Variants in NFASC observed in about 807,000 individuals in gnomAD.
NFASC encodes the protein neurofascin, also known as neurofascin homolog.
In NFASC, 43 loss-of-function variants were observed where a neutral mutation model predicts 147.5. The observed-to-expected ratio is 0.29, with a 90% confidence interval of 0.23 to 0.38. NFASC has a LOEUF of 0.38. NFASC is among the 10% of genes least tolerant of loss of function. NFASC has a pLI of 1.00. For synonymous variants in NFASC, 622 were observed against 665.5 expected (o/e 0.93, Z 1.01); for missense variants, 1,320 against 1,689.0 (o/e 0.78, Z 3.83).
chr1:204,990,563 C>CAAAAAAAA (rs55745283), intron 23 of NFASC: 1 of 126,710 alleles, frequency 7.9e-6, no homozygotes, highest in East Asian at 2.2e-4. Flanking sequence ...GCTCTCAGTC[C>CAAAAAAAA]AAAAAAAAAA....
At chr1:204,856,649 A>G (rs2076186470) in intron 1 of NFASC, among the ~76,000 whole-genome samples, 1 of 152,110 alleles carries the variant, frequency 6.6e-6, no homozygotes, top group Non-Finnish European at 1.5e-5. Flanking sequence ...AGATCACCCC[A>G]TACCCATTGA....
At chr1:204,859,077 C>T (rs764074840) in intron 1 of NFASC, among the ~76,000 whole-genome samples, 2 of 151,834 alleles carry the variant, frequency 1.3e-5, no homozygotes, top group Non-Finnish European at 2.9e-5. Flanking sequence ...TCCCGGGTGC[C>T]AGCGATTCTC....
At chr1:204,942,298 G>C (rs977124060) in intron 2 of NFASC, among the ~76,000 whole-genome samples, 10 of 152,160 alleles carry the variant, frequency 6.6e-5, no homozygotes, top group Admixed American at 1.3e-4. Flanking sequence ...TTCTAGACCA[G>C]AGCTTAATGG....
chr1:204,916,466 A>G (rs181457483), intron 1 of NFASC, among the ~76,000 whole-genome samples: 25 of 152,360 alleles, frequency 1.6e-4, no homozygotes, highest in African/African-American at 6.0e-4. Context: ...TGATCTCTAC[A>G]GCAATCCTAT....
At chr1:204,961,527 CA>C (rs2094666625) in intron 8 of NFASC, among the ~76,000 whole-genome samples, 2 of 152,280 alleles carry the variant, frequency 1.3e-5, no homozygotes, top group Non-Finnish European at 2.9e-5. Flanking sequence ...CCCACCTGGG[CA>C]GACTCCAGTG....
At chr1:204,914,347 A>G (rs191888264) in intron 1 of NFASC, among the ~76,000 whole-genome samples, 47 of 152,254 alleles carry the variant, frequency 3.1e-4, no homozygotes, top group Non-Finnish European at 4.9e-4. Context: ...TATGCTCATA[A>G]TGGTAAGTTC....
chr1:204,920,632 G>GT lies in NFASC; in HGVS notation c.-197dup, dbSNP rs2090267172. ...TCTCCTTTGTGCTTGCTTGAGACAG[G>GT]TTGATTGACTTATGTGCAATTTGGG... On this transcript the variant is annotated splice_region_variant and 5_prime_UTR_variant, in exon 2 of 30. An upstream open reading frame in the 5' UTR gains an earlier in-frame stop. Coordinates refer to ENST00000339876, the MANE Select transcript of NFASC (RefSeq NM_001005388.3). 1 of 1,284,688 alleles carries GT rather than the reference G, an allele frequency of 7.8e-7. No homozygotes were observed. Among genetic ancestry groups the GT allele is most frequent in the African/African-American group, 1.5e-5 (1 of 65,770 alleles). The allele number at this position is 1,284,688 out of a possible 1,614,324, so 79.6% of individuals were successfully genotyped here.
intron 1 of NFASC, among the ~76,000 whole-genome samples, chr1:204,845,753 A>G (rs1676836753): frequency 6.6e-6 from 1 of 152,086 alleles, no homozygotes; most frequent in South Asian, 2.1e-4. Flanking sequence ...ATTTTTTAAA[A>G]ATCAGCTAGG....
chr1:204,883,275 G>A lies in NFASC; in HGVS notation c.-199-37357G>A, dbSNP rs557377311. Among the ~76,000 whole-genome samples, 3 of 152,326 alleles carry A rather than the reference G, an allele frequency of 2.0e-5. No individual in the cohort carries two copies. In the South Asian group the frequency reaches 6.2e-4, roughly 32 times the overall value. On this transcript the variant is annotated intron_variant, in intron 1 of 29. Coordinates refer to ENST00000339876, the MANE Select transcript of NFASC (RefSeq NM_001005388.3). The stretch of plus-strand genomic sequence containing the variant: ...CTGACTGAATAGGAGTTTCAACTTG[G>A]ATAGAACAAGGTGCAGAGTTGAGGG...
At chr1:204,991,397 C>A in intron 24 of NFASC, 91 bp downstream of exon 24, 1 of 1,358,642 alleles carries the variant, frequency 7.4e-7, no homozygotes, top group Non-Finnish European at 1.0e-6. Context: ...GGGAGAGGCT[C>A]AGGCTGAAAG....
chr1:204,922,673 G>T (rs1287839720), intron 2 of NFASC, among the ~76,000 whole-genome samples: 1 of 152,054 alleles, frequency 6.6e-6, no homozygotes, highest in African/African-American at 2.4e-5. Flanking sequence ...TGTTTTTCTC[G>T]CTGTGATATC....
intron 2 of NFASC, among the ~76,000 whole-genome samples, chr1:204,936,413 G>A (rs1296610843): frequency 6.6e-6 from 1 of 151,908 alleles, no homozygotes; most frequent in Admixed American, 6.6e-5. Context: ...TGTTGGCAAG[G>A]CTGGCCTCAA....
chr1:204,976,821 C>G, intron 16 of NFASC, 26 bp downstream of exon 16: 1 of 1,604,048 alleles, frequency 6.2e-7, no homozygotes, highest in Non-Finnish European at 8.5e-7. Context: ...CACCCTGGCA[C>G]TGACCAGCCC....
chr1:204,870,920 A>G (rs2077573213), intron 1 of NFASC: 1 of 1,218,520 alleles, frequency 8.2e-7, no homozygotes, highest in South Asian at 1.4e-5. Flanking sequence ...AGGGAAAAGA[A>G]GGATCTTGCT....
intron 8 of NFASC, among the ~76,000 whole-genome samples, chr1:204,959,058 C>T (rs1481186745): frequency 8.5e-6 from 1 of 117,378 alleles, no homozygotes; most frequent in Non-Finnish European, 2.0e-5. Context: ...TTCCCCTTCT[C>T]ATGTTTTTTT....
intron 1 of NFASC, among the ~76,000 whole-genome samples, chr1:204,859,361 G>A (rs1391573649): frequency 6.6e-6 from 1 of 152,216 alleles, no homozygotes; most frequent in Non-Finnish European, 1.5e-5. Context: ...CCATCCTTGG[G>A]ACTGCTCATC....
intron 24 of NFASC, 65 bp from the exon 25 acceptor site, chr1:204,997,105 G>A (rs757715885): frequency 1.7e-4 from 266 of 1,560,178 alleles, no homozygotes; most frequent in Non-Finnish European, 2.1e-4. Context: ...GCACGCGGGG[G>A]CCGTGTGTCC....
At chr1:204,876,996 G>GTGTATA (rs1242156320) in intron 1 of NFASC, among the ~76,000 whole-genome samples, 1 of 74,682 alleles carries the variant, frequency 1.3e-5, no homozygotes, top group South Asian at 3.9e-4. Flanking sequence ...GGCTAAATAT[G>GTGTATA]TATATATATA....
chr1:204,838,562 C>T (rs943790420), intron 1 of NFASC, among the ~76,000 whole-genome samples: 8 of 152,186 alleles, frequency 5.3e-5, no homozygotes, highest in African/African-American at 1.7e-4. Flanking sequence ...TGTCTGGGGT[C>T]TCAGGGACCT....
Sources: gnomAD v4.1 joint callset for allele counts (sites outside exome capture counted in the v4.1 genomes callset) on GRCh38, gnomAD v4.1.1 for gene constraint, MANE v1.5 for transcripts, NCBI Gene and HGNC (gene_info 2026-07-23, HGNC 2026-07-21) for gene names.